Variants in ROBO2 observed in about 807,000 individuals in gnomAD.
The protein encoded by ROBO2 is roundabout guidance receptor 2, also known as roundabout homolog 2.
In ROBO2, 53 loss-of-function variants were observed where a neutral mutation model predicts 160.8. That is an observed-to-expected ratio of 0.33 (90% CI 0.26 to 0.41). The LOEUF (loss-of-function observed/expected upper bound fraction) is 0.41. Among genes scored for constraint, ROBO2 ranks in the 10% least tolerant of loss-of-function variants. ROBO2 has a pLI of 1.00. For missense variants in ROBO2, 1,577 were observed against 1,722.4 expected, an observed-to-expected ratio of 0.92 and a Z score of 1.49; for synonymous variants, 664 against 611.7, an observed-to-expected ratio of 1.09 and a Z score of -1.26.
At chr3:77,489,411 TC>T (rs1337162787) in intron 4 of ROBO2, among the ~76,000 whole-genome samples, 2 of 152,154 alleles carry the variant, frequency 1.3e-5, no homozygotes, top group South Asian at 2.1e-4. Context: ...CATTGTGAAG[TC>T]CTGCACCCCT....
At chr3:76,250,886 C>T (rs552657854) in intron 2 of ROBO2, among the ~76,000 whole-genome samples, 123 of 152,130 alleles carry the variant, frequency 8.1e-4, no homozygotes, top group African/African-American at 2.9e-3. Context: ...ATTTTCAAAA[C>T]TTGACTCCAG....
At chr3:76,738,356 T>A (rs966054748) in intron 2 of ROBO2, among the ~76,000 whole-genome samples, 2 of 152,296 alleles carry the variant, frequency 1.3e-5, no homozygotes, top group African/African-American at 4.8e-5. Flanking sequence ...AGTTCAGGGC[T>A]TCTCAACGTC....
chr3:76,137,487 G>C (rs1021857896), intron 2 of ROBO2, among the ~76,000 whole-genome samples: 1 of 151,834 alleles, frequency 6.6e-6, no homozygotes, highest in African/African-American at 2.4e-5. Context: ...TCTGATGTTA[G>C]TTCTGTTTAG....
intron 2 of ROBO2, among the ~76,000 whole-genome samples, chr3:76,397,177 A>G (rs1475934739): frequency 6.6e-6 from 1 of 152,196 alleles, no homozygotes; most frequent in Non-Finnish European, 1.5e-5. Flanking sequence ...CCCCATATCT[A>G]CAACTATCTG....
intron 2 of ROBO2, among the ~76,000 whole-genome samples, chr3:76,823,072 G>T (rs1379284045): frequency 6.6e-6 from 1 of 152,006 alleles, no homozygotes; most frequent in Non-Finnish European, 1.5e-5. Context: ...CTGTAAACTG[G>T]CTAGAAAAAT....
intron 2 of ROBO2, among the ~76,000 whole-genome samples, chr3:75,937,839 TTTTATATATA>T (rs1387119070): frequency 3.0e-5 from 1 of 33,078 alleles, no homozygotes; most frequent in African/African-American, 1.4e-4. Context: ...TTGGAATTGA[TTTTATATATA>T]TATATATATA....
intron 2 of ROBO2, among the ~76,000 whole-genome samples, chr3:76,705,712 C>G (rs1560413096): frequency 6.6e-6 from 1 of 152,102 alleles, no homozygotes; most frequent in Non-Finnish European, 1.5e-5. Context: ...TTTACTTAAA[C>G]ACACTTCCAG....
At chr3:76,116,499 G>A (rs1381665415) in intron 2 of ROBO2, among the ~76,000 whole-genome samples, 1 of 152,080 alleles carries the variant, frequency 6.6e-6, no homozygotes, top group Admixed American at 6.6e-5. Flanking sequence ...AGATGTAGAA[G>A]GTTAGAGACA....
intron 13 of ROBO2, among the ~76,000 whole-genome samples, chr3:77,572,870 C>T (rs761343724): frequency 2.2e-4 from 34 of 151,898 alleles, no homozygotes; most frequent in South Asian, 8.3e-4. Flanking sequence ...TGAAAGAATA[C>T]GTTTTGTTTA....
At chr3:77,381,890 T>TG (rs1018457725) in intron 2 of ROBO2, among the ~76,000 whole-genome samples, 12 of 152,172 alleles carry the variant, frequency 7.9e-5, no homozygotes, top group African/African-American at 1.2e-4. Flanking sequence ...CTGATGTTTA[T>TG]GGGGGGTGAG....
intron 2 of ROBO2, among the ~76,000 whole-genome samples, chr3:77,110,120 C>G (rs1422768014): frequency 1.3e-5 from 2 of 152,128 alleles, no homozygotes; most frequent in East Asian, 3.9e-4. Flanking sequence ...TCCTAGTTGT[C>G]AAATATTAGC....
intron 6 of ROBO2, among the ~76,000 whole-genome samples, chr3:77,525,121 T>C (rs2091005931): frequency 6.6e-6 from 1 of 151,342 alleles, no homozygotes; most frequent in Non-Finnish European, 1.5e-5. Context: ...CAGCCTTTCT[T>C]TGGATCGTTT....
chr3:77,477,634 A>G (rs1260136447), intron 3 of ROBO2, 63 bp downstream of exon 3: 14 of 1,403,104 alleles, frequency 1.0e-5, no homozygotes, highest in East Asian at 2.3e-5. Flanking sequence ...TACAAAATAG[A>G]TGTATTTTAT....
exon 1 of ROBO2, chr3:77,040,018 G>A (rs1268515919): frequency 3.8e-6 from 3 of 798,836 alleles, no homozygotes; most frequent in Non-Finnish European, 4.5e-6. Flanking sequence ...GCGGCACCGC[G>A]GGGGTGTCTG....
In ROBO2 at chr3:76,116,104, C is replaced by G. The variant is rs1360332104; in HGVS notation, c.109+178502C>G. Reference sequence around the variant, plus strand: ...CTAGCATGGACTCTAGAGCTGACAGCTTTTATTAAAATCCTGACTCTTCCC... The same window carrying G: ...CTAGCATGGACTCTAGAGCTGACAGGTTTTATTAAAATCCTGACTCTTCCC... On this transcript the variant is annotated intron_variant, in intron 2 of 26. Transcript: ENST00000487694. 2.6e-5 allele frequency among the ~76,000 whole-genome samples: 4 copies of G among 152,216 alleles called. No individual in the cohort carries two copies. In the East Asian group the frequency reaches 7.7e-4, roughly 29 times the overall value.
intron 2 of ROBO2, among the ~76,000 whole-genome samples, chr3:76,591,892 C>A (rs1307523106): frequency 1.3e-5 from 2 of 151,980 alleles, no homozygotes; most frequent in African/African-American, 4.8e-5. Flanking sequence ...TGGCATTAAT[C>A]AAAATGCCAG....
At chr3:77,118,766 CATT>C (rs2074446834) in intron 2 of ROBO2, among the ~76,000 whole-genome samples, 1 of 152,172 alleles carries the variant, frequency 6.6e-6, no homozygotes, top group Non-Finnish European at 1.5e-5. Context: ...AGAAATGAGA[CATT>C]AGGCAATTTT....
intron 2 of ROBO2, among the ~76,000 whole-genome samples, chr3:76,519,470 C>A (rs879586736): frequency 2.0e-5 from 3 of 152,206 alleles, no homozygotes; most frequent in Admixed American, 6.5e-5. Flanking sequence ...CCTTCCCAAA[C>A]TCTCTGTCTG....
chr3:77,016,297 T>A (rs1338036509), intron 2 of ROBO2, among the ~76,000 whole-genome samples: 1 of 152,184 alleles, frequency 6.6e-6, no homozygotes, highest in Non-Finnish European at 1.5e-5. Flanking sequence ...TTTGTACGAC[T>A]GAGTTTCAGA....
Sources: gnomAD v4.1 joint callset for allele counts (sites outside exome capture counted in the v4.1 genomes callset) on GRCh38, gnomAD v4.1.1 for gene constraint, MANE v1.5 for transcripts, NCBI Gene and HGNC (gene_info 2026-07-23, HGNC 2026-07-21) for gene names.